Variants in SATB1 observed in about 807,000 individuals in gnomAD.
The protein encoded by SATB1 is DNA-binding protein SATB1.
A neutral mutation model predicts 86.9 loss-of-function variants in SATB1; 11 were observed. That is an observed-to-expected ratio of 0.13 (90% CI 0.08 to 0.21). The LOEUF (loss-of-function observed/expected upper bound fraction) is 0.21, where lower values mean the gene tolerates loss of function less well. Ranked by LOEUF, SATB1 falls within the 10% of genes least tolerant of loss-of-function variation. The probability of loss-of-function intolerance (pLI) is 1.00; values close to 1 mark genes in which losing one functional copy is unlikely to be tolerated. For missense variants in SATB1, 551 were observed against 937.6 expected, an observed-to-expected ratio of 0.59 and a Z score of 5.39; for synonymous variants, 357 against 357.2, an observed-to-expected ratio of 1.00 and a Z score of 0.01.
intron 5 of SATB1, among the ~76,000 whole-genome samples, chr3:18,398,464 A>C (rs1697075570): frequency 6.6e-6 from 1 of 152,164 alleles, no homozygotes; most frequent in African/African-American, 2.4e-5. Flanking sequence ...ATTGTTCAGG[A>C]GGCAGTGAAC....
chr3:18,415,489 G>A (rs1698063486), intron 4 of SATB1, among the ~76,000 whole-genome samples: 1 of 151,936 alleles, frequency 6.6e-6, no homozygotes, highest in Non-Finnish European at 1.5e-5. Flanking sequence ...GATGCGCTTG[G>A]GAAGACAATT....
At chr3:18,360,319 T>C (rs1694846058) in intron 9 of SATB1, among the ~76,000 whole-genome samples, 1 of 152,114 alleles carries the variant, frequency 6.6e-6, no homozygotes, top group South Asian at 2.1e-4. Flanking sequence ...AAACTGCCCA[T>C]AGTTACCCTA....
intron 5 of SATB1, among the ~76,000 whole-genome samples, chr3:18,400,159 G>A (rs575630518): frequency 1.3e-5 from 2 of 152,140 alleles, no homozygotes; most frequent in African/African-American, 4.8e-5. Flanking sequence ...AATTTTCCTA[G>A]GTGGTGGGAT....
intron 9 of SATB1, among the ~76,000 whole-genome samples, chr3:18,357,942 G>A (rs553766500): frequency 6.6e-6 from 1 of 151,944 alleles, no homozygotes; most frequent in African/African-American, 2.4e-5. Context: ...ACCCACTTGT[G>A]ACCTTTTTTC....
intron 9 of SATB1, among the ~76,000 whole-genome samples, chr3:18,366,938 C>CA (rs1257105119): frequency 6.6e-6 from 1 of 152,186 alleles, no homozygotes; most frequent in African/African-American, 2.4e-5. Context: ...GAACACCTGT[C>CA]AGCAGTGTCT....
chr3:18,355,970 G>A (rs1043167678), intron 9 of SATB1, among the ~76,000 whole-genome samples: 1 of 151,906 alleles, frequency 6.6e-6, no homozygotes, highest in African/African-American at 2.4e-5. Context: ...AAAACTTTCA[G>A]GATGTTACTA....
At chr3:18,396,377 T>C (rs977898086) in intron 6 of SATB1, among the ~76,000 whole-genome samples, 2 of 152,142 alleles carry the variant, frequency 1.3e-5, no homozygotes, top group Non-Finnish European at 2.9e-5. Flanking sequence ...TTAAAATATA[T>C]GTTTTGGAGG....
chr3:18,378,141 C>T (rs973603512), intron 9 of SATB1, 29 bp downstream of exon 9: 3 of 1,530,270 alleles, frequency 2.0e-6, no homozygotes, highest in African/African-American at 2.8e-5. Context: ...CACAGATAAA[C>T]ATTCTCAATG....
At chr3:18,416,249 G>C in intron 3 of SATB1, 116 bp from the exon 4 acceptor site, 1 of 695,194 alleles carries the variant, frequency 1.4e-6, no homozygotes, top group Admixed American at 3.5e-5. Flanking sequence ...CGTTATTTCT[G>C]TTTGAATGAT....
chr3:18,360,179 G>A (rs527554424), intron 9 of SATB1, among the ~76,000 whole-genome samples: 104 of 152,154 alleles, frequency 6.8e-4, no homozygotes, highest in Middle Eastern at 3.4e-3. Flanking sequence ...GTTTAATTTC[G>A]CCCATGAAAC....
upstream of SATB1, among the ~76,000 whole-genome samples, chr3:18,441,658 C>T (rs1393911619): frequency 6.6e-6 from 1 of 152,108 alleles, no homozygotes; most frequent in Non-Finnish European, 1.5e-5. Context: ...AGAGTCCCTG[C>T]TGTATATCCA....
At position 18,417,163 on chromosome 3, in the gene SATB1, A is replaced by G. The variant is rs1698159437; in HGVS notation, c.212-85T>C. 3.0e-6 allele frequency: 4 copies of G among 1,343,858 alleles called. No individual in the cohort carries two copies. In the Admixed American group the frequency reaches 7.7e-5, roughly 26 times the overall value. The allele number at this position is 1,343,858 out of a possible 1,614,324, so 83.2% of individuals were successfully genotyped here. A position where few individuals can be genotyped will look rare whatever the true frequency, so the allele number is the denominator to read the frequency against. On this transcript the variant is annotated intron_variant, in intron 2 of 10. Transcript: ENST00000338745. ...GGGGTGGCGGGAGGAAATATTAGCCATGAAAATAAATAATCACAAGAGATT... is the reference window on the plus strand; with the variant it reads ...GGGGTGGCGGGAGGAAATATTAGCCGTGAAAATAAATAATCACAAGAGATT...
upstream of SATB1, among the ~76,000 whole-genome samples, chr3:18,439,214 C>T (rs959248756): frequency 5.9e-5 from 9 of 152,104 alleles, no homozygotes; most frequent in African/African-American, 1.4e-4. Flanking sequence ...ACTACATCAC[C>T]GCATAAACTG....
intron 2 of SATB1, chr3:18,417,612 A>G (rs181025785): frequency 1.2e-5 from 8 of 677,692 alleles, no homozygotes; most frequent in Admixed American, 2.3e-5. Context: ...TCCACAAATC[A>G]TTTTCTTCCT....
intron 9 of SATB1, among the ~76,000 whole-genome samples, chr3:18,360,587 G>A (rs1293062263): frequency 6.6e-6 from 1 of 151,300 alleles, no homozygotes. Flanking sequence ...AAGCACTTCT[G>A]TATGCCAATA....
intron 7 of SATB1, among the ~76,000 whole-genome samples, chr3:18,391,319 A>G (rs995042715): frequency 1.3e-5 from 2 of 152,198 alleles, no homozygotes; most frequent in African/African-American, 4.8e-5. Context: ...TTTATAAGAA[A>G]CAGTATCTTC....
intron 5 of SATB1, among the ~76,000 whole-genome samples, chr3:18,402,851 G>C (rs931201246): frequency 1.3e-5 from 2 of 152,108 alleles, no homozygotes; most frequent in African/African-American, 4.8e-5. Context: ...TCAGCAGAGA[G>C]GGCAAGGGCT....
chr3:18,426,680 G>T (rs1698716109), upstream of SATB1, among the ~76,000 whole-genome samples: 1 of 152,018 alleles, frequency 6.6e-6, no homozygotes, highest in African/African-American at 2.4e-5. The surrounding 1 kb of genome is among the most constrained non-coding windows in gnomAD (Gnocchi z 4.2). Context: ...CAAAAAACAA[G>T]AATTATTTTT....
intron 5 of SATB1, among the ~76,000 whole-genome samples, chr3:18,412,057 C>T (rs1309638015): frequency 1.3e-5 from 2 of 151,886 alleles, no homozygotes; most frequent in Non-Finnish European, 2.9e-5. Context: ...CTGCAACCTC[C>T]GCCTCCTGGG....
Sources: allele counts gnomAD v4.1 joint callset (sites outside exome capture counted in the v4.1 genomes callset), GRCh38; gene constraint gnomAD v4.1.1; non-coding constraint Gnocchi (gnomAD v3.1); transcripts MANE v1.5; gene names NCBI Gene and HGNC (gene_info 2026-07-23, HGNC 2026-07-21).